The following ZNF536 variants were observed in gnomAD, a reference collection of about 807,000 sequenced individuals.
ZNF536 encodes zinc finger protein 536.
In ZNF536, 13 loss-of-function variants were observed where a neutral mutation model predicts 84.5. That is an observed-to-expected ratio of 0.15 (90% CI 0.10 to 0.24). The LOEUF (loss-of-function observed/expected upper bound fraction) is 0.24, where lower values mean the gene tolerates loss of function less well. Among genes scored for constraint, ZNF536 ranks in the 10% least tolerant of loss-of-function variants. ZNF536 has a pLI of 1.00. For synonymous variants in ZNF536, 811 were observed against 742.5 expected (o/e 1.09, Z -1.50); for missense variants, 1,536 against 1,747.5 (o/e 0.88, Z 2.16).
chr19:30,537,556 A>T (rs1397175606), intron 3 of ZNF536, among the ~76,000 whole-genome samples: 1 of 151,560 alleles, frequency 6.6e-6, no homozygotes, highest in Non-Finnish European at 1.5e-5. Context: ...GGCTCCACTA[A>T]CCCTGTCGGC....
chr19:30,613,844 CTTTG>C (rs10559193), intron 1 of ZNF536, among the ~76,000 whole-genome samples: 130,617 of 151,830 alleles, frequency 0.86, 56,266 homozygotes, highest in East Asian at 0.98. Flanking sequence ...CAGTTCTAGA[CTTTG>C]TTTGGTTCTT....
chr19:30,367,502 T>C (rs138759601), upstream of ZNF536, among the ~76,000 whole-genome samples: 797 of 152,330 alleles, frequency 5.2e-3, 10 homozygotes, highest in African/African-American at 0.019. Flanking sequence ...TCCTTTGCAA[T>C]TCACACCTGC....
Position 30,443,577 on chromosome 19 carries a change from C to G in ZNF536, c.15C>G (p.Ser5Arg), listed in dbSNP as rs2052166270. Residue 5 changes from serine (S) to arginine (R), a missense_variant, in exon 2 of 5, where the codon AGC becomes AGG. Ser to Arg is a moderately radical substitution (Grantham distance 110). This residue lies in a region of ZNF536 where 161 missense variants were observed against 178.5 expected (regional missense o/e 0.90). Coordinates refer to ENST00000355537, the MANE Select transcript of ZNF536 (RefSeq NM_014717.3). Reference sequence around the variant, plus strand: ...TCTTTTCAGGGATGGAAGAAGCGAGCCTGTGCCTTGGAGTGTCTTCGGCGG... The same window carrying G: ...TCTTTTCAGGGATGGAAGAAGCGAGGCTGTGCCTTGGAGTGTCTTCGGCGG... Reference protein sequence around the residue: MEEASLCLGVSSAEP... With the variant: MEEARLCLGVSSAEP... The G allele has an allele frequency of 6.4e-7, 1 of 1,551,228 alleles. No homozygotes were observed. Among genetic ancestry groups the G allele is most frequent in the African/African-American group, 1.4e-5 (1 of 72,736 alleles).
intron 4 of ZNF536, among the ~76,000 whole-genome samples, chr19:30,551,235 C>T (rs758379976): frequency 4.0e-5 from 6 of 151,612 alleles, no homozygotes; most frequent in Non-Finnish European, 7.4e-5. Context: ...CTGGCATGTT[C>T]ATGAGCTCAT....
At chr19:30,576,437 A>G (rs543255669) in intron 1 of ZNF536, among the ~76,000 whole-genome samples, 1 of 152,226 alleles carries the variant, frequency 6.6e-6, no homozygotes, top group South Asian at 2.1e-4. Flanking sequence ...TGTCCTTGAC[A>G]TCTTGGGAGC....
chr19:30,679,046 C>T (rs779636999), intron 1 of ZNF536, among the ~76,000 whole-genome samples: 29 of 152,142 alleles, frequency 1.9e-4, no homozygotes, highest in East Asian at 1.9e-4. Flanking sequence ...CCGAGCCAGC[C>T]GAGACATGAG....
rs148753476 is a variant in ZNF536, at chr19:30,342,811, A to G, written c.-119-9557A>G. The stretch of plus-strand genomic sequence containing the variant: ...GGCAGCTTATTTTGAACTAATGTGC[A>G]ATAAAGTTGCCAAGCACAGCAATTG... On this transcript the variant is annotated intron_variant, in intron 2 of 5. Transcript: ENST00000585628. Among the ~76,000 whole-genome samples, 6 of 152,386 alleles carry G rather than the reference A, an allele frequency of 3.9e-5. No homozygotes were observed. The East Asian group carries it at 1.2e-3, about 29-fold the overall frequency.
intron 1 of ZNF536, among the ~76,000 whole-genome samples, chr19:30,411,232 AG>A (rs2050483093): frequency 6.6e-6 from 1 of 152,334 alleles, no homozygotes; most frequent in South Asian, 2.1e-4. Flanking sequence ...CTTTCTAAAC[AG>A]GGTGCACCAG....
At chr19:30,596,450 C>T (rs1308987442) in intron 1 of ZNF536, among the ~76,000 whole-genome samples, 3 of 152,164 alleles carry the variant, frequency 2.0e-5, no homozygotes, top group South Asian at 2.1e-4. Context: ...GTGACAATCG[C>T]GGCACAGCCA....
chr19:30,602,163 G>A (rs775649383), intron 1 of ZNF536, among the ~76,000 whole-genome samples: 2 of 152,198 alleles, frequency 1.3e-5, no homozygotes, highest in Non-Finnish European at 2.9e-5. Flanking sequence ...GCAATGATGA[G>A]GAATAGGAAG....
chr19:30,314,274 C>A (rs924228040), intron 2 of ZNF536, among the ~76,000 whole-genome samples: 1 of 152,152 alleles, frequency 6.6e-6, no homozygotes, highest in African/African-American at 2.4e-5. Context: ...GAGTCTCGAG[C>A]GGGGCGGTGC....
intron 1 of ZNF536, among the ~76,000 whole-genome samples, chr19:30,586,618 C>A (rs962454432): frequency 1.3e-5 from 2 of 152,188 alleles, no homozygotes; most frequent in African/African-American, 4.8e-5. Flanking sequence ...GGCCAGCCAA[C>A]TTCTAGAGGA....
At chr19:30,605,916 G>T (rs1244917185) in intron 1 of ZNF536, among the ~76,000 whole-genome samples, 1 of 152,064 alleles carries the variant, frequency 6.6e-6, no homozygotes, top group Admixed American at 6.6e-5. Context: ...GAGTCAAATT[G>T]CTACTTAGGA....
rs796179968 is a variant in ZNF536, at chr19:30,292,440, C to A, written c.-120+8299C>A. Among the ~76,000 whole-genome samples, 37 of 151,664 alleles carry A rather than the reference C, an allele frequency of 2.4e-4. 1 individual carries two copies. Among genetic ancestry groups the A allele is most frequent in the African/African-American group, 9.0e-4 (37 of 41,322 alleles). On this transcript the variant is annotated intron_variant, in intron 2 of 5. Coordinates refer to the ZNF536 transcript ENST00000585628. ...ACTTGACTTCCTGGGCCCAAGCCAT[C>A]CTCTTGTCTCAGCCTCCCAAGTAGC...
chr19:30,477,299 G>A (rs1297577857), intron 2 of ZNF536, among the ~76,000 whole-genome samples: 1 of 152,166 alleles, frequency 6.6e-6, no homozygotes, highest in Non-Finnish European at 1.5e-5. Context: ...GGCAGGAATG[G>A]TGTCTGTTTT....
At chr19:30,379,199 A>G (rs1238348197) in intron 1 of ZNF536, among the ~76,000 whole-genome samples, 1 of 152,158 alleles carries the variant, frequency 6.6e-6, no homozygotes, top group Non-Finnish European at 1.5e-5. Flanking sequence ...TACCGTGGGA[A>G]GGTTTGAGTA....
intron 1 of ZNF536, among the ~76,000 whole-genome samples, chr19:30,635,211 TC>T (rs1162606148): frequency 6.6e-6 from 1 of 152,102 alleles, no homozygotes; most frequent in African/African-American, 2.4e-5. Context: ...AGGATTCCCA[TC>T]CCAAACAACG....
chr19:30,595,963 C>A (rs1428868312), intron 1 of ZNF536, among the ~76,000 whole-genome samples: 1 of 152,132 alleles, frequency 6.6e-6, no homozygotes, highest in Non-Finnish European at 1.5e-5. Flanking sequence ...GGCAGCCCCA[C>A]TTCTATAGGA....
chr19:30,612,978 T>C (rs911524164), intron 1 of ZNF536, among the ~76,000 whole-genome samples: 1 of 152,234 alleles, frequency 6.6e-6, no homozygotes, highest in African/African-American at 2.4e-5. Flanking sequence ...TTTCATGACC[T>C]TGACATTTTT....
Sources: gnomAD v4.1 joint callset for allele counts (sites outside exome capture counted in the v4.1 genomes callset) on GRCh38, gnomAD v4.1.1 for gene constraint, gnomAD v4.1.1 regional missense constraint, MANE v1.5 for transcripts, NCBI Gene and HGNC (gene_info 2026-07-23, HGNC 2026-07-21) for gene names.